TMED7: variants seen among roughly 807,000 people sequenced by gnomAD.
The protein encoded by TMED7 is transmembrane emp24 domain-containing protein 7.
TMED7 carries 8 observed loss-of-function variants against 23.4 expected under a neutral mutation model. The ratio of observed to expected loss-of-function variants is 0.34; its 90% CI spans 0.20 to 0.62. The LOEUF (loss-of-function observed/expected upper bound fraction) is 0.62, where lower values mean the gene tolerates loss of function less well. TMED7 is among the 20% of genes least tolerant of loss of function. The pLI is 0.77. For missense variants in TMED7, 232 were observed against 279.1 expected, an observed-to-expected ratio of 0.83 and a Z score of 1.20; for synonymous variants, 121 against 108.5, an observed-to-expected ratio of 1.12 and a Z score of -0.72.
intron 2 of TMED7, among the ~76,000 whole-genome samples, chr5:115,618,134 T>A (rs1050323260): frequency 6.6e-6 from 1 of 152,148 alleles, no homozygotes; most frequent in Admixed American, 6.5e-5. Context: ...AAAACTTCCA[T>A]ATATATTCAA....
rs750645927 is a variant in TMED7, at chr5:115,620,609, C to A, written c.264G>T (p.Glu88Asp). Residue 88 changes from glutamate to aspartate, a missense_variant, in exon 2 of 3, where the codon GAG becomes GAT. Physicochemically the swap from Glu to Asp is conservative, Grantham distance 45 (BLOSUM62 2). This residue lies in a region of TMED7 where 126 missense variants were observed against 182.1 expected (regional missense o/e 0.69). Coordinates refer to ENST00000456936, the MANE Select transcript of TMED7 (RefSeq NM_181836.6). ...TAAAACTATCATACTGTTTCTTCAT[C>A]TCTTTGTATAACACTTTACCATCAG... ...EDPDGKVLYK[E>D]MKKQYDSFTF... 1.9e-6 allele frequency: 3 copies of A among 1,600,226 alleles called. No homozygotes were observed. The highest frequency in any genetic ancestry group is 2.6e-6 in the Non-Finnish European group (3 of 1,174,496).
At position 115,615,645 on chromosome 5, in the gene TMED7, C is replaced by T. The variant is rs1580449051; in HGVS notation, c.*564G>A. The T allele has an allele frequency of 1.3e-5, 2 of 153,102 alleles. No homozygotes were observed. The highest frequency in any genetic ancestry group is 4.8e-5 in the African/African-American group (2 of 41,532). 9.5% of individuals were successfully genotyped at this position (153,102 alleles called of 1,614,324 possible). ...TGGTTTAAATTATAAACCCCAAAAACAAAAGTCTGACATTTTCTAAGCTAG... is the reference window on the plus strand; with the variant it reads ...TGGTTTAAATTATAAACCCCAAAAATAAAAGTCTGACATTTTCTAAGCTAG... On this transcript the variant is annotated 3_prime_UTR_variant, in exon 3 of 3. Transcript: ENST00000456936.
intron 1 of TMED7, among the ~76,000 whole-genome samples, chr5:115,620,977 C>G (rs1167867426): frequency 1.3e-5 from 2 of 152,118 alleles, no homozygotes; most frequent in Non-Finnish European, 2.9e-5. Flanking sequence ...TTTTTTCCTT[C>G]CATTTGACAG....
At position 115,625,684 on chromosome 5, in the gene TMED7, T is replaced by C. The variant is rs1249547633; in HGVS notation, c.109A>G (p.Ile37Val). Residue 37 changes from isoleucine (I) to valine (V), a missense_variant, in exon 1 of 3, where the codon ATC becomes GTC. Transcript: ENST00000456936. ...GCGTTGTCAGGAAGCTCGAAGGTGA[T>C]CTCAGAGGCGCCGCCGGGTCCAGGC... Reference protein sequence around the residue: ...LVPGPGGASEITFELPDNAKQ... With the variant: ...LVPGPGGASEVTFELPDNAKQ... 4 of 1,602,986 alleles carry C rather than the reference T, an allele frequency of 2.5e-6. No individual in the cohort carries two copies. The highest frequency in any genetic ancestry group is 1.1e-5 in the South Asian group (1 of 89,358).
Position 115,616,290 on chromosome 5 carries a change from C to A in TMED7, c.594G>T (p.Leu198=). The A allele has an allele frequency of 1.2e-6, 2 of 1,614,150 alleles. No individual in the cohort carries two copies. Among genetic ancestry groups the A allele is most frequent in the Middle Eastern group, 1.6e-4 (1 of 6,062 alleles). The change falls in exon 3 of 3, where the codon CTG becomes CTT. Residue 198 remains leucine (L), a synonymous_variant. Transcript: ENST00000456936. Reference sequence around the variant, plus strand: ...GAAATACCTGCCCTATGCTAACCACCAGAAGAATGAGGGCTTCTCCTACTG... The same window carrying A: ...GAAATACCTGCCCTATGCTAACCACAAGAAGAATGAGGGCTTCTCCTACTG... ...YWSVGEALIL[L]VVSIGQVFLL... is the part of the protein sequence containing the mutation.
rs1561587560 is a variant in TMED7 at position 115,615,220 on chromosome 5, A to C, written c.*989T>G. On this transcript the variant is annotated 3_prime_UTR_variant, in exon 3 of 3. Transcript: ENST00000456936. ...ACAGAAATAAAATATGCACGACAAA[A>C]AAAAGAAAAAAGGAGAGCAACTAAC... 1.3e-5 allele frequency: 2 copies of C among 152,584 alleles called. No individual in the cohort carries two copies. The highest frequency in any genetic ancestry group is 1.3e-4 in the Admixed American group (2 of 15,284). 9.5% of individuals were successfully genotyped at this position (152,584 alleles called of 1,614,324 possible). A position where few individuals can be genotyped will look rare whatever the true frequency, so the allele number is the denominator to read the frequency against.
At chr5:115,622,151 C>G (rs372352462) in intron 1 of TMED7, among the ~76,000 whole-genome samples, 1 of 152,102 alleles carries the variant, frequency 6.6e-6, no homozygotes, top group Admixed American at 6.6e-5. Context: ...CTGAATTATA[C>G]GTATTTGACC....
intron 1 of TMED7, among the ~76,000 whole-genome samples, chr5:115,622,330 T>A (rs1265956998): frequency 7.2e-5 from 11 of 152,200 alleles, no homozygotes; most frequent in African/African-American, 2.7e-4. Flanking sequence ...CCAAACTAAC[T>A]GTCCCTATCT....
rs776558183 is a variant in TMED7, at chr5:115,615,441, C to T, written c.*768G>A. 2 of 152,302 alleles carry T rather than the reference C, an allele frequency of 1.3e-5. No individual in the cohort carries two copies. Among genetic ancestry groups the T allele is most frequent in the East Asian group, 1.9e-4 (1 of 5,200 alleles). The allele number at this position is 152,302 out of a possible 1,614,324, so 9.4% of individuals were successfully genotyped here. A position where few individuals can be genotyped will look rare whatever the true frequency, so the allele number is the denominator to read the frequency against. ...AAAAGCACTGAAAATGTAATGAGTA[C>T]GTGTAACTCACTAAAAATTTTCCTA... On this transcript the variant is annotated 3_prime_UTR_variant, in exon 3 of 3. Coordinates refer to ENST00000456936, the MANE Select transcript of TMED7 (RefSeq NM_181836.6).
intron 2 of TMED7, among the ~76,000 whole-genome samples, chr5:115,619,907 G>A (rs566707414): frequency 6.6e-6 from 1 of 152,206 alleles, no homozygotes; most frequent in East Asian, 1.9e-4. Context: ...TTTAGCTTTT[G>A]TAACTATTTT....
At chr5:115,622,383 C>T (rs1162516772) in intron 1 of TMED7, among the ~76,000 whole-genome samples, 1 of 152,182 alleles carries the variant, frequency 6.6e-6, no homozygotes, top group African/African-American at 2.4e-5. Flanking sequence ...TTGCCCCTCT[C>T]AAATTCATCG....
chr5:115,622,348 T>G (rs1757060267), intron 1 of TMED7, among the ~76,000 whole-genome samples: 1 of 152,222 alleles, frequency 6.6e-6, no homozygotes, highest in Admixed American at 6.5e-5. Context: ...TCTATCCATA[T>G]GATCACACAA....
chr5:115,613,628 T>G lies in TMED7; in HGVS notation c.*2581A>C, dbSNP rs972532688. On this transcript the variant is annotated 3_prime_UTR_variant, in exon 3 of 3. Coordinates refer to ENST00000456936, the MANE Select transcript of TMED7 (RefSeq NM_181836.6). ...TTATATATTAATTTTTTGAAAACAA[T>G]AGTCATAGGGCCTGCTTTGTCCTAT... 6.6e-6 allele frequency: 1 copy of G among 152,316 alleles called. No individual in the cohort carries two copies. Among genetic ancestry groups the G allele is most frequent in the South Asian group, 2.1e-4 (1 of 4,828 alleles). 9.4% of individuals were successfully genotyped at this position (152,316 alleles called of 1,614,324 possible).
chr5:115,617,095 T>C (rs979562280), intron 2 of TMED7, among the ~76,000 whole-genome samples: 1 of 152,230 alleles, frequency 6.6e-6, no homozygotes, highest in African/African-American at 2.4e-5. Flanking sequence ...AGTTTCAGTT[T>C]CACTGTGTAA....
At chr5:115,625,288 G>A (rs751248199) in intron 1 of TMED7, among the ~76,000 whole-genome samples, 1 of 152,136 alleles carries the variant, frequency 6.6e-6, no homozygotes, top group African/African-American at 2.4e-5. Context: ...TTGACACTGG[G>A]TACTACAGAG....
intron 2 of TMED7, 120 bp from the exon 3 acceptor site, chr5:115,616,565 G>T: frequency 7.0e-7 from 1 of 1,420,256 alleles, no homozygotes; most frequent in Non-Finnish European, 9.5e-7. Context: ...TACTAATCTG[G>T]CATTCATTCA....
At position 115,615,383 on chromosome 5, in the gene TMED7, T is replaced by G. The variant is rs698365; in HGVS notation, c.*826A>C. ...AGGGCAAGAGCTAGCCAATTAAAAT[T>G]TTAAAATTAAACATATCACCTTTTT... On this transcript the variant is annotated 3_prime_UTR_variant, in exon 3 of 3. Transcript: ENST00000456936. 90,592 of 152,380 alleles carry G rather than the reference T, an allele frequency of 0.59. 27,392 individuals carry two copies. Among genetic ancestry groups the G allele is most frequent in the African/African-American group, 0.72 (29,813 of 41,466 alleles). The allele number at this position is 152,380 out of a possible 1,614,324, so 9.4% of individuals were successfully genotyped here.
chr5:115,616,260 C>T lies in TMED7; in HGVS notation c.624G>A (p.Leu208=). 6.2e-7 allele frequency: 1 copy of T among 1,614,118 alleles called. No homozygotes were observed. The highest frequency in any genetic ancestry group is 8.5e-7 in the Non-Finnish European group (1 of 1,179,992). Residue 208 remains leucine (L), a synonymous_variant, in exon 3 of 3, where the codon TTG becomes TTA. Coordinates refer to ENST00000456936, the MANE Select transcript of TMED7 (RefSeq NM_181836.6). ...LVVSIGQVFL[L]KSFFSDKRTT... is the part of the protein sequence containing the mutation. The stretch of plus-strand genomic sequence containing the variant: ...TTCTTTTATCTGAGAAAAAGCTTTT[C>T]AAAAGAAATACCTGCCCTATGCTAA...
chr5:115,622,631 C>T (rs913775979), intron 1 of TMED7, among the ~76,000 whole-genome samples: 2 of 152,108 alleles, frequency 1.3e-5, no homozygotes, highest in African/African-American at 4.8e-5. Flanking sequence ...AAAATGATGC[C>T]GAATGTCTCC....
Sources: allele counts gnomAD v4.1 joint callset (sites outside exome capture counted in the v4.1 genomes callset), GRCh38; gene constraint gnomAD v4.1.1; regional missense constraint gnomAD v4.1.1; transcripts MANE v1.5; gene names NCBI Gene and HGNC (gene_info 2026-07-23, HGNC 2026-07-21).